PID1: variants seen among roughly 807,000 people sequenced by gnomAD.
PID1 encodes the protein PTB-containing, cubilin and LRP1-interacting protein.
A neutral mutation model predicts 19.1 loss-of-function variants in PID1; 10 were observed. The observed-to-expected ratio is 0.52, with a 90% confidence interval of 0.32 to 0.89. The LOEUF is 0.89. Ranked by LOEUF, PID1 falls within the 40% of genes least tolerant of loss-of-function variation. The pLI is 0.03. For synonymous variants in PID1, 130 were observed against 116.0 expected (o/e 1.12, Z -0.78); for missense variants, 248 against 285.3 (o/e 0.87, Z 0.94).
chr2:229,251,503 T>G (rs929496831), intron 1 of PID1, among the ~76,000 whole-genome samples: 1 of 152,196 alleles, frequency 6.6e-6, no homozygotes, highest in African/African-American at 2.4e-5. Flanking sequence ...TTGGCCAAAC[T>G]TGGTTTCCAA....
At position 229,093,585 on chromosome 2, in the gene PID1, T is replaced by C. The variant is rs546391140; in HGVS notation, c.177+62233A>G. On this transcript the variant is annotated intron_variant, in intron 2 of 2. Transcript: ENST00000392055. ...GATCTTGGTTGAGCTTATCCATGTA[T>C]GTGTGCATCGGCTGAGGGCTCTGGG... is the stretch of plus-strand genomic sequence containing the variant. Among the ~76,000 whole-genome samples the C allele has an allele frequency of 2.6e-4, 40 of 152,332 alleles. 1 individual carries two copies. The highest frequency in any genetic ancestry group is 2.3e-3 in the South Asian group (11 of 4,824).
chr2:229,090,513 G>A (rs909546557), intron 2 of PID1, among the ~76,000 whole-genome samples: 1 of 152,154 alleles, frequency 6.6e-6, no homozygotes, highest in Non-Finnish European at 1.5e-5. Context: ...GTTGTGGCTT[G>A]TAGCTTCCAA....
chr2:229,113,509 C>CATATATAT (rs3067619), intron 2 of PID1, among the ~76,000 whole-genome samples: 2,789 of 138,132 alleles, frequency 0.02, 108 homozygotes, highest in African/African-American at 0.071. Flanking sequence ...TGTGTGTATA[C>CATATATAT]ATATATATAT....
At chr2:229,152,552 C>T (rs1175734790) in intron 2 of PID1, among the ~76,000 whole-genome samples, 1 of 151,842 alleles carries the variant, frequency 6.6e-6, no homozygotes, top group African/African-American at 2.4e-5. Flanking sequence ...TGTGACAAGC[C>T]ATCATTGCTG....
At chr2:229,239,832 T>C (rs1003311229) in intron 1 of PID1, among the ~76,000 whole-genome samples, 1 of 152,150 alleles carries the variant, frequency 6.6e-6, no homozygotes, top group Non-Finnish European at 1.5e-5. Context: ...CACTCATGTA[T>C]AAACTACATG....
chr2:229,073,188 G>A (rs547119806), intron 2 of PID1, among the ~76,000 whole-genome samples: 20 of 152,226 alleles, frequency 1.3e-4, no homozygotes, highest in African/African-American at 4.6e-4. Flanking sequence ...ACCACGCCTG[G>A]CTAATTTTTT....
intron 2 of PID1, among the ~76,000 whole-genome samples, chr2:229,066,858 G>T (rs1694337033): frequency 6.6e-6 from 1 of 152,052 alleles, no homozygotes; most frequent in Admixed American, 6.6e-5. Context: ...CTCATACGAG[G>T]TTCATTAACA....
rs796148800 is a variant in PID1, at chr2:229,139,115, G to GAGAAAGAAAGAAAGAAAGAAAGAA, written c.177+16679_177+16702dup. ...AGAAAGAAAGAAAGAAAGAAAGAAAGAGAAAGAAAGAAAGAAAGAAAGAAA... is the reference window on the plus strand; with the variant it reads ...AGAAAGAAAGAAAGAAAGAAAGAAAGAGAAAGAAAGAAAGAAAGAAAGAAAGAAAGAAAGAAAGAAAGAAAGAAA... On this transcript the variant is annotated intron_variant, in intron 2 of 2. Coordinates refer to ENST00000392055, the MANE Select transcript of PID1 (RefSeq NM_001100818.2). Among the ~76,000 whole-genome samples, 58 of 48,064 alleles carry GAGAAAGAAAGAAAGAAAGAAAGAA rather than the reference G, an allele frequency of 1.2e-3. 2 individuals are homozygous for GAGAAAGAAAGAAAGAAAGAAAGAA. The highest frequency in any genetic ancestry group is 3.6e-3 in the African/African-American group (38 of 10,566). The allele number at this position is 48,064 out of a possible 152,430, so 31.5% of individuals were successfully genotyped here.
intron 1 of PID1, among the ~76,000 whole-genome samples, chr2:229,197,782 G>T (rs1398461936): frequency 2.6e-5 from 4 of 151,822 alleles, no homozygotes; most frequent in Non-Finnish European, 5.9e-5. Flanking sequence ...CCTTACCGAG[G>T]CTGTATATGT....
In PID1 at chr2:229,197,132, A is replaced by C. The variant is rs116497697; in HGVS notation, c.31-41168T>G. ...TCAACAAAAAACACATTAGGATACAAAGGTGAAATAACAAATAATACTATG... is the reference window on the plus strand; with the variant it reads ...TCAACAAAAAACACATTAGGATACACAGGTGAAATAACAAATAATACTATG... On this transcript the variant is annotated intron_variant, in intron 1 of 2. Coordinates refer to ENST00000392055, the MANE Select transcript of PID1 (RefSeq NM_001100818.2). Among the ~76,000 whole-genome samples, 935 of 152,202 alleles carry C rather than the reference A, an allele frequency of 6.1e-3. 11 individuals are homozygous for C. Among genetic ancestry groups the C allele is most frequent in the African/African-American group, 0.022 (909 of 41,558 alleles).
chr2:229,087,244 C>T lies in PID1; in HGVS notation c.178-61136G>A, dbSNP rs575702015. Reference sequence around the variant, plus strand: ...AAAAGATCTATTGTGGTCTAGAGCACGCATACATTTTTCAAATCAGGTGCT... The same window carrying T: ...AAAAGATCTATTGTGGTCTAGAGCATGCATACATTTTTCAAATCAGGTGCT... On this transcript the variant is annotated intron_variant, in intron 2 of 2. Transcript: ENST00000392055. Among the ~76,000 whole-genome samples the T allele has an allele frequency of 8.5e-5, 13 of 152,154 alleles. No individual in the cohort carries two copies. The South Asian group carries it at 1.0e-3, about 12-fold the overall frequency.
At chr2:229,248,817 C>A (rs1328502683) in intron 1 of PID1, among the ~76,000 whole-genome samples, 1 of 151,900 alleles carries the variant, frequency 6.6e-6, no homozygotes, top group African/African-American at 2.4e-5. Flanking sequence ...TTGAGGTGTA[C>A]TAAATTTGTC....
intron 1 of PID1, chr2:229,232,204 A>C: frequency 2.4e-6 from 3 of 1,258,726 alleles, no homozygotes; most frequent in Non-Finnish European, 3.1e-6. Context: ...CAGTCAGATC[A>C]TGAAGTCAGG....
At chr2:229,244,078 T>G (rs2106278545) in intron 1 of PID1, among the ~76,000 whole-genome samples, 1 of 152,252 alleles carries the variant, frequency 6.6e-6, no homozygotes, top group South Asian at 2.1e-4. Context: ...AATATAAACA[T>G]AAGAATAAAG....
rs1439693923 is a variant in PID1, at chr2:229,232,443, A to AT, written c.30+38570_30+38571insA. On this transcript the variant is annotated intron_variant, in intron 1 of 2. Coordinates refer to ENST00000392055, the MANE Select transcript of PID1 (RefSeq NM_001100818.2). ...CAAGACTCCATCTCAAAAAAAAAAAAAAAAAAAAAAAAAAGTCTCTCTTAA... is the reference window on the plus strand; with the variant it reads ...CAAGACTCCATCTCAAAAAAAAAAAATAAAAAAAAAAAAAAGTCTCTCTTAA... 1.1e-4 allele frequency among the ~76,000 whole-genome samples: 17 copies of AT among 149,348 alleles called. No homozygotes were observed. In the East Asian group the frequency reaches 3.1e-3, roughly 27 times the overall value.
At chr2:229,046,378 GT>G (rs1693879856) in intron 2 of PID1, among the ~76,000 whole-genome samples, 1 of 146,758 alleles carries the variant, frequency 6.8e-6, no homozygotes, top group Admixed American at 6.8e-5. Flanking sequence ...GTGTGTGTGT[GT>G]GCGTGTGTGT....
At chr2:229,163,534 T>C (rs918648773) in intron 1 of PID1, among the ~76,000 whole-genome samples, 1 of 151,300 alleles carries the variant, frequency 6.6e-6, no homozygotes, top group Non-Finnish European at 1.5e-5. Flanking sequence ...GTCTCTCAAG[T>C]GATTATGTGG....
chr2:229,168,303 A>G (rs1204811676), intron 1 of PID1, among the ~76,000 whole-genome samples: 6 of 152,236 alleles, frequency 3.9e-5, no homozygotes, highest in African/African-American at 1.4e-4. Flanking sequence ...CATATATTTT[A>G]GACCATTTTA....
intron 2 of PID1, among the ~76,000 whole-genome samples, chr2:229,033,576 T>C (rs1050947161): frequency 6.6e-6 from 1 of 152,124 alleles, no homozygotes; most frequent in Non-Finnish European, 1.5e-5. Context: ...AAATATCTAA[T>C]GTAGATGATG....
Sources: allele counts gnomAD v4.1 joint callset (sites outside exome capture counted in the v4.1 genomes callset), GRCh38; gene constraint gnomAD v4.1.1; transcripts MANE v1.5; gene names NCBI Gene and HGNC (gene_info 2026-07-23, HGNC 2026-07-21).